PRRX1: variants seen among roughly 807,000 people sequenced by gnomAD.
PRRX1 encodes paired mesoderm homeobox protein 1.
In PRRX1, 8 loss-of-function variants were observed where a neutral mutation model predicts 24.0. The ratio of observed to expected loss-of-function variants is 0.33; its 90% CI spans 0.20 to 0.60. The LOEUF is 0.60. Among genes scored for constraint, PRRX1 ranks in the 20% least tolerant of loss-of-function variants. PRRX1 has a pLI of 0.82. For synonymous variants in PRRX1, 160 were observed against 131.7 expected, an observed-to-expected ratio of 1.22 and a Z score of -1.47; for missense variants, 281 against 322.4, an observed-to-expected ratio of 0.87 and a Z score of 0.98.
At chr1:170,694,139 A>G (rs1454884594) in intron 1 of PRRX1, among the ~76,000 whole-genome samples, 1 of 152,166 alleles carries the variant, frequency 6.6e-6, no homozygotes, top group Non-Finnish European at 1.5e-5. Context: ...TTTCAGCACC[A>G]TAAGGTTTCA....
At chr1:170,713,698 T>G in intron 1 of PRRX1, among the ~76,000 whole-genome samples, 1 of 152,208 alleles carries the variant, frequency 6.6e-6, no homozygotes. Context: ...TTCACACTTC[T>G]TAGAGCATTT....
chr1:170,732,579 A>G (rs1655468322), intron 3 of PRRX1, among the ~76,000 whole-genome samples: 2 of 152,316 alleles, frequency 1.3e-5, no homozygotes, highest in Admixed American at 6.5e-5. Flanking sequence ...GATCCATGTC[A>G]AACTACTGGA....
At chr1:170,700,221 G>A (rs946009475) in intron 1 of PRRX1, among the ~76,000 whole-genome samples, 3 of 152,108 alleles carry the variant, frequency 2.0e-5, no homozygotes, top group Non-Finnish European at 4.4e-5. Flanking sequence ...TCATTCATAG[G>A]AAATAATTCC....
At chr1:170,686,280 G>C (rs1653738154) in intron 1 of PRRX1, among the ~76,000 whole-genome samples, 1 of 151,774 alleles carries the variant, frequency 6.6e-6, no homozygotes, top group African/African-American at 2.4e-5. Context: ...TGCTAGCTTA[G>C]AGGACTAAAA....
At chr1:170,679,278 C>CA (rs1312328112) in intron 1 of PRRX1, among the ~76,000 whole-genome samples, 1 of 152,210 alleles carries the variant, frequency 6.6e-6, no homozygotes, top group African/African-American at 2.4e-5. Context: ...AAAGAGCACA[C>CA]ATATAGCACT....
At chr1:170,709,946 A>G (rs1376234218) in intron 1 of PRRX1, among the ~76,000 whole-genome samples, 3 of 152,212 alleles carry the variant, frequency 2.0e-5, no homozygotes, top group Non-Finnish European at 4.4e-5. Flanking sequence ...TAGTAAATTT[A>G]GAAGATAGAA....
chr1:170,703,184 C>T (rs1213376337), intron 1 of PRRX1, among the ~76,000 whole-genome samples: 1 of 152,212 alleles, frequency 6.6e-6, no homozygotes, highest in African/African-American at 2.4e-5. Context: ...AGTTCTTCCA[C>T]TTCTTAATAG....
At chr1:170,692,741 T>TCA (rs1553252913) in intron 1 of PRRX1, among the ~76,000 whole-genome samples, 16,085 of 139,146 alleles carry the variant, frequency 0.12, 1,024 homozygotes, top group African/African-American at 0.16. Context: ...TCTCTCTCTC[T>TCA]CACACACACA....
rs542787603 is a variant in PRRX1, at chr1:170,706,966, C to CA, written c.242-12752dup. Reference sequence around the variant, plus strand: ...CAACATAGTGAGACCCCAAACCTAGCAAAAAAAAGACTGCTGGGCATGGTG... The same window carrying CA: ...CAACATAGTGAGACCCCAAACCTAGCAAAAAAAAAGACTGCTGGGCATGGTG... On this transcript the variant is annotated intron_variant, in intron 1 of 3. Transcript: ENST00000239461. Among the ~76,000 whole-genome samples the CA allele has an allele frequency of 8.7e-4, 131 of 150,802 alleles. 2 individuals are homozygous for CA. The South Asian group carries it at 0.025, about 28-fold the overall frequency.
chr1:170,703,917 T>A (rs529703134), intron 1 of PRRX1, among the ~76,000 whole-genome samples: 2 of 152,276 alleles, frequency 1.3e-5, no homozygotes, highest in Admixed American at 1.3e-4. Flanking sequence ...ATGTCCTAAA[T>A]TGTGTGAATC....
chr1:170,686,543 G>A (rs1459569368), intron 1 of PRRX1, among the ~76,000 whole-genome samples: 2 of 152,178 alleles, frequency 1.3e-5, no homozygotes, highest in Non-Finnish European at 2.9e-5. Context: ...TCAAATTCTA[G>A]CCTTAGGGGG....
At position 170,719,719 on chromosome 1, in the gene PRRX1, A is replaced by T. The variant is rs756649459; in HGVS notation, c.242-7A>T. On this transcript the variant is annotated splice_polypyrimidine_tract_variant and splice_region_variant and intron_variant, in intron 1 of 3. Transcript: ENST00000239461. Reference sequence around the variant, plus strand: ...TGGCTTCTTTTCATCATTGTGTTCTATTCCAGATGACCAGCTGAACTCAGA... The same window carrying T: ...TGGCTTCTTTTCATCATTGTGTTCTTTTCCAGATGACCAGCTGAACTCAGA... 1 of 1,614,006 alleles carries T rather than the reference A, an allele frequency of 6.2e-7. No individual in the cohort carries two copies. The highest frequency in any genetic ancestry group is 1.1e-5 in the South Asian group (1 of 91,044).
chr1:170,706,245 A>G (rs1654564045), intron 1 of PRRX1, among the ~76,000 whole-genome samples: 1 of 152,214 alleles, frequency 6.6e-6, no homozygotes, highest in Admixed American at 6.5e-5. Flanking sequence ...TATCCATGGA[A>G]TTACACAGTG....
At chr1:170,735,421 G>T (rs1303298138) in intron 3 of PRRX1, among the ~76,000 whole-genome samples, 3 of 152,186 alleles carry the variant, frequency 2.0e-5, no homozygotes. Context: ...TCTTGAGGAG[G>T]TTTTAAAATC....
chr1:170,685,210 G>A (rs1274305184), intron 1 of PRRX1, among the ~76,000 whole-genome samples: 1 of 152,126 alleles, frequency 6.6e-6, no homozygotes, highest in Non-Finnish European at 1.5e-5. Context: ...AATAAGGAAC[G>A]GAGAAGAAAA....
rs570586956 is a variant in PRRX1 at position 170,690,883 on chromosome 1, G to A, written c.241+26424G>A. Among the ~76,000 whole-genome samples, 100 of 152,222 alleles carry A rather than the reference G, an allele frequency of 6.6e-4. 2 individuals carry two copies. Among genetic ancestry groups the A allele is most frequent in the African/African-American group, 2.3e-3 (95 of 41,558 alleles). ...GAGAACAGCAAGTTAGCTCGATGCA[G>A]TCTTTGCTGTGAGCATCAAAATAAG... is the stretch of plus-strand genomic sequence containing the variant. On this transcript the variant is annotated intron_variant, in intron 1 of 3. Transcript: ENST00000239461.
intron 1 of PRRX1, among the ~76,000 whole-genome samples, chr1:170,682,255 C>T (rs1330295656): frequency 5.9e-5 from 9 of 151,490 alleles, no homozygotes; most frequent in Non-Finnish European, 1.0e-4. Flanking sequence ...CCCCTTCTCC[C>T]CTGACCTCTA....
chr1:170,700,383 G>A lies in PRRX1; in HGVS notation c.242-19343G>A, dbSNP rs114617673. Among the ~76,000 whole-genome samples the A allele has an allele frequency of 5.8e-3, 888 of 152,142 alleles. 11 individuals are homozygous for A. The highest frequency in any genetic ancestry group is 0.016 in the African/African-American group (682 of 41,490). ...TATATTCAGACCATTTGGAAAGTCC[G>A]TCAGAGCTCTTCCATACATTAAAAA... On this transcript the variant is annotated intron_variant, in intron 1 of 3. Coordinates refer to ENST00000239461, the MANE Select transcript of PRRX1 (RefSeq NM_022716.4).
chr1:170,702,627 C>T (rs978606111), intron 1 of PRRX1, among the ~76,000 whole-genome samples: 4 of 152,132 alleles, frequency 2.6e-5, no homozygotes, highest in African/African-American at 9.7e-5. Flanking sequence ...GGCTTTTACC[C>T]GTGTTCATGT....
Sources: gnomAD v4.1 joint callset for allele counts (sites outside exome capture counted in the v4.1 genomes callset) on GRCh38, gnomAD v4.1.1 for gene constraint, MANE v1.5 for transcripts, NCBI Gene and HGNC (gene_info 2026-07-23, HGNC 2026-07-21) for gene names.